Variants in CELSR2 observed in about 807,000 individuals in gnomAD.
The protein encoded by CELSR2 is cadherin EGF LAG seven-pass G-type receptor 2.
CELSR2 carries 81 observed loss-of-function variants against 251.6 expected under a neutral mutation model. That is an observed-to-expected ratio of 0.32 (90% confidence interval 0.27 to 0.39). The LOEUF (loss-of-function observed/expected upper bound fraction) is 0.39. Among genes scored for constraint, CELSR2 ranks in the 10% least tolerant of loss-of-function variants. The probability of loss-of-function intolerance (pLI) is 1.00; values close to 1 mark genes in which losing one functional copy is unlikely to be tolerated. For missense variants in CELSR2, 3,365 were observed against 3,947.7 expected (o/e 0.85, Z 3.96); for synonymous variants, 1,721 against 1,670.5 (o/e 1.03, Z -0.74).
intron 14 of CELSR2, 38 bp from the exon 15 acceptor site, chr1:109,266,067 A>T: frequency 6.2e-7 from 1 of 1,608,740 alleles, no homozygotes; most frequent in Non-Finnish European, 8.5e-7. Context: ...CAGCAGAGGG[A>T]GAGCTGCTCC....
rs1415574082 is a variant in CELSR2 at position 109,251,105 on chromosome 1, C to T, written c.1026C>T (p.Ile342=). The T allele has an allele frequency of 3.7e-6, 6 of 1,612,980 alleles. No homozygotes were observed. The highest frequency in any genetic ancestry group is 1.1e-5 in the South Asian group (1 of 91,018). ...GCAGCCCCTCTGAAGTCTTTGAGAT[C>T]GACCCTCGCTCTGGGGTGATCCGAA... ...SGGSPSEVFE[I]DPRSGVIRTR... Residue 342 remains isoleucine, a synonymous_variant, in exon 1 of 34, where the codon ATC becomes ATT. Transcript: ENST00000271332. This position sits in a 1 kb window ranked among gnomAD's most constrained non-coding sequence, Gnocchi z 4.9.
chr1:109,272,652 A>C lies in CELSR2; in HGVS notation c.8067A>C (p.Ala2689=), dbSNP rs769988212. 5.0e-6 allele frequency: 8 copies of C among 1,613,322 alleles called. No homozygotes were observed. In the Admixed American group the frequency reaches 1.3e-4, roughly 27 times the overall value. ...CTCATCTTCCTAGGGAGGAGTCCGC[A>C]CTGAACCCTGGCCAAGGGCCCCCTG... ...YIPFLLREES[A]LNPGQGPPGL... Residue 2689 remains alanine, a synonymous_variant, in exon 30 of 34, where the codon GCA becomes GCC. Coordinates refer to ENST00000271332, the MANE Select transcript of CELSR2 (RefSeq NM_001408.3).
chr1:109,264,352 G>C lies in CELSR2; in HGVS notation c.5276G>C (p.Arg1759Pro). The change falls in exon 10 of 34, where the codon CGG becomes CCG. Residue 1759 changes from arginine (R) to proline (P), a missense_variant. Physicochemically the swap from Arg to Pro is moderately radical, Grantham distance 103. Coordinates refer to ENST00000271332, the MANE Select transcript of CELSR2 (RefSeq NM_001408.3). The part of the protein sequence containing the change: ...GPAGGVARGF[R>P]GCLQGVRVSD... ...GCCGGCGGTGTGGCCCGTGGCTTTCGGGGCTGTTTGCAGGTGAGTGTCCTG... is the reference window on the plus strand; with the variant it reads ...GCCGGCGGTGTGGCCCGTGGCTTTCCGGGCTGTTTGCAGGTGAGTGTCCTG... 1 of 1,607,914 alleles carries C rather than the reference G, an allele frequency of 6.2e-7. No homozygotes were observed. The highest frequency in any genetic ancestry group is 8.5e-7 in the Non-Finnish European group (1 of 1,175,506).
chr1:109,266,306 T>C (rs1310750368), intron 15 of CELSR2, 100 bp downstream of exon 15: 1 of 1,409,444 alleles, frequency 7.1e-7, no homozygotes, highest in Non-Finnish European at 9.6e-7. Flanking sequence ...GGACCCCACT[T>C]TCTGGCCTCC....
intron 23 of CELSR2, 93 bp downstream of exon 23, chr1:109,270,226 C>T (rs910748584): frequency 7.1e-7 from 1 of 1,403,760 alleles, no homozygotes; most frequent in East Asian, 2.3e-5. Flanking sequence ...ACCATGAACT[C>T]TAATAAGGTG....
rs575606851 is a variant in CELSR2, at chr1:109,258,916, C to T, written c.3795C>T (p.Pro1265=). Residue 1265 remains proline, a synonymous_variant, in exon 2 of 34, where the codon CCC becomes CCT. Transcript: ENST00000271332. ...CCTCCTCCTCCGTGCTCTTCCGGCC[C>T]ATCCACCCCGTCGGAGGGCTGCGCT... ...FIASSSVLFR[P]IHPVGGLRCR... The T allele has an allele frequency of 8.7e-6, 14 of 1,612,430 alleles. No individual in the cohort carries two copies. In the South Asian group the frequency reaches 1.2e-4, roughly 14 times the overall value.
chr1:109,274,156 CGCA>C lies in CELSR2; in HGVS notation c.*113_*115del. 1.2e-6 allele frequency: 2 copies of C among 1,602,062 alleles called. No homozygotes were observed. Among genetic ancestry groups the C allele is most frequent in the Admixed American group, 3.3e-5 (2 of 59,800 alleles). On this transcript the variant is annotated 3_prime_UTR_variant, in exon 34 of 34. Coordinates refer to ENST00000271332, the MANE Select transcript of CELSR2 (RefSeq NM_001408.3). ...CCTGCCCCGCTCCCCATCGCCTGCC[CGCA>C]GCAGCGACGAAACGTCCATCTGAGG... is the stretch of plus-strand genomic sequence containing the variant.
chr1:109,261,304 G>A lies in CELSR2; in HGVS notation c.4181+40G>A, dbSNP rs1051105824. 2 of 1,574,016 alleles carry A rather than the reference G, an allele frequency of 1.3e-6. No individual in the cohort carries two copies. Among genetic ancestry groups the A allele is most frequent in the African/African-American group, 1.3e-5 (1 of 74,252 alleles). ...ACTGGGGGTGGGGAGTGGGCCTGGT[G>A]GGCATCTGAGGTGCCTCCTGTTCTG... On this transcript the variant is annotated intron_variant, in intron 3 of 33. Coordinates refer to ENST00000271332, the MANE Select transcript of CELSR2 (RefSeq NM_001408.3). The surrounding 1 kb of genome is among the most constrained non-coding windows in gnomAD (Gnocchi z 4.8).
In CELSR2 at chr1:109,261,476, A is replaced by G; in HGVS notation, c.4182-37A>G. The G allele has an allele frequency of 1.3e-6, 2 of 1,581,118 alleles. No individual in the cohort carries two copies. The highest frequency in any genetic ancestry group is 1.7e-4 in the Middle Eastern group (1 of 6,002). ...CGGGGGTGCTGGCATCCAGGTGGGT[A>G]CCCCATTCCCTGCCCCCATCCCCAA... On this transcript the variant is annotated intron_variant, in intron 3 of 33. Transcript: ENST00000271332. This position sits in a 1 kb window ranked among gnomAD's most constrained non-coding sequence, Gnocchi z 4.8.
chr1:109,258,626 G>C lies in CELSR2; in HGVS notation c.3505G>C (p.Val1169Leu), dbSNP rs766309271. ...TPPDHVVVFN[V>L]QRDTDAPGGH... ...ACCGGACCACGTGGTGGTCTTCAAC[G>C]TACAGCGGGACACCGACGCCCCCGG... is the stretch of plus-strand genomic sequence containing the variant. The change falls in exon 2 of 34, where the codon GTA becomes CTA. Residue 1169 changes from valine (V) to leucine (L), a missense_variant. Val to Leu is a conservative substitution (Grantham distance 32, BLOSUM62 1). Around this residue, in one of 5 missense-constraint regions of CELSR2, gnomAD observed 2,093 missense variants for 2,382.8 expected, o/e 0.88. Coordinates refer to ENST00000271332, the MANE Select transcript of CELSR2 (RefSeq NM_001408.3). 3 of 1,567,620 alleles carry C rather than the reference G, an allele frequency of 1.9e-6. No homozygotes were observed. The highest frequency in any genetic ancestry group is 1.9e-5 in the Admixed American group (1 of 53,044).
In CELSR2 at chr1:109,263,618, C is replaced by T; in HGVS notation, c.4842C>T (p.Ala1614=). 3 of 1,613,728 alleles carry T rather than the reference C, an allele frequency of 1.9e-6. No homozygotes were observed. Among genetic ancestry groups the T allele is most frequent in the Non-Finnish European group, 2.5e-6 (3 of 1,179,790 alleles). Residue 1614 remains alanine, a synonymous_variant, in exon 9 of 34, where the codon GCC becomes GCT. Transcript: ENST00000271332. ...CTTTTCCTGCCTCCCCAGAAATGGC[C>T]AATCCACAGCACTTCCTGGGCAGCA... The part of the protein sequence containing the change: ...FGGKSCAQEM[A]NPQHFLGSSL...
In CELSR2 at chr1:109,275,540, T is replaced by C. The variant is rs2101291117; in HGVS notation, c.*1491T>C. The C allele has an allele frequency of 6.6e-6, 1 of 152,210 alleles. No individual in the cohort carries two copies. The highest frequency in any genetic ancestry group is 2.1e-4 in the South Asian group (1 of 4,830). The allele number at this position is 152,210 out of a possible 1,614,324, so 9.4% of individuals were successfully genotyped here. Reference sequence around the variant, plus strand: ...TTTCTGCCGTGGATTCTCCCCCGTCTTCTCCCCTCAGCAATTCCTGCAAAG... The same window carrying C: ...TTTCTGCCGTGGATTCTCCCCCGTCCTCTCCCCTCAGCAATTCCTGCAAAG... On this transcript the variant is annotated 3_prime_UTR_variant, in exon 34 of 34. Coordinates refer to ENST00000271332, the MANE Select transcript of CELSR2 (RefSeq NM_001408.3).
chr1:109,269,082 A>G lies in CELSR2; in HGVS notation c.6632-28A>G, dbSNP rs772669298. 6.3e-7 allele frequency: 1 copy of G among 1,597,580 alleles called. No individual in the cohort carries two copies. Among genetic ancestry groups the G allele is most frequent in the Non-Finnish European group, 8.5e-7 (1 of 1,169,898 alleles). On this transcript the variant is annotated intron_variant, in intron 19 of 33. Transcript: ENST00000271332. This position sits in a 1 kb window ranked among gnomAD's most constrained non-coding sequence, Gnocchi z 6.4. ...GCAGACTCCACAGAGAGCAGGGCCC[A>G]GCTAAGTGTGACAGTGTCCCCTCCC...
In CELSR2 at chr1:109,261,197, T is replaced by C; in HGVS notation, c.4114T>C (p.Phe1372Leu). ...KPYCQVTTRS[F>L]PAHSFITFRG... is the part of the protein sequence containing the mutation. Reference sequence around the variant, plus strand: ...CTACTGCCAGGTGACCACGCGCAGCTTCCCCGCCCACTCCTTCATCACCTT... The same window carrying C: ...CTACTGCCAGGTGACCACGCGCAGCCTCCCCGCCCACTCCTTCATCACCTT... The change falls in exon 3 of 34, where the codon TTC (phenylalanine) becomes CTC (leucine). Residue 1372 changes from phenylalanine to leucine, a missense_variant. Transcript: ENST00000271332. This position sits in a 1 kb window ranked among gnomAD's most constrained non-coding sequence, Gnocchi z 4.8. 1 of 1,614,100 alleles carries C rather than the reference T, an allele frequency of 6.2e-7. No individual in the cohort carries two copies. The highest frequency in any genetic ancestry group is 1.1e-5 in the South Asian group (1 of 91,084).
chr1:109,258,901 C>G lies in CELSR2; in HGVS notation c.3780C>G (p.Ser1260=), dbSNP rs764679151. Residue 1260 remains serine, a synonymous_variant, in exon 2 of 34, where the codon TCC becomes TCG. Transcript: ENST00000271332. ...DSSAPFIASS[S]VLFRPIHPVG... is the part of the protein sequence containing the mutation. Reference sequence around the variant, plus strand: ...CCGCGCCCTTCATCGCCTCCTCCTCCGTGCTCTTCCGGCCCATCCACCCCG... The same window carrying G: ...CCGCGCCCTTCATCGCCTCCTCCTCGGTGCTCTTCCGGCCCATCCACCCCG... 6 of 1,612,436 alleles carry G rather than the reference C, an allele frequency of 3.7e-6. No individual in the cohort carries two copies. The highest frequency in any genetic ancestry group is 1.6e-4 in the Middle Eastern group (1 of 6,062).
Position 109,250,526 on chromosome 1 carries a change from G to A in CELSR2, c.447G>A (p.Lys149=). The change falls in exon 1 of 34, where the codon AAG becomes AAA. Residue 149 remains lysine, a synonymous_variant. Coordinates refer to ENST00000271332, the MANE Select transcript of CELSR2 (RefSeq NM_001408.3). This position sits in a 1 kb window ranked among gnomAD's most constrained non-coding sequence, Gnocchi z 4.4. ...CACGGCTCAGATGCCAGTCCTGCAA[G>A]CTGGCACAGGCCCCCGGGCTCAGGG... ...KAPRLRCQSC[K]LAQAPGLRAG... 1 of 1,613,916 alleles carries A rather than the reference G, an allele frequency of 6.2e-7. No homozygotes were observed. The highest frequency in any genetic ancestry group is 8.5e-7 in the Non-Finnish European group (1 of 1,180,026).
chr1:109,272,289 C>A lies in CELSR2; in HGVS notation c.7938C>A (p.Cys2646Ter). Residue 2646 changes from cysteine (C) to a stop codon, truncating the protein, a stop_gained, in exon 29 of 34, where the codon TGC (cysteine) becomes TGA (stop). Coordinates refer to ENST00000271332, the MANE Select transcript of CELSR2 (RefSeq NM_001408.3). LOFTEE classifies it high-confidence loss of function. ...TGTTCCCTGCCTAGTCCTACAACTG[C>A]CCCAGCCCCTACGCAGATGGGCGGC... ...TKSTLTSSYN[C>*]PSPYADGRLY... 1 of 1,602,198 alleles carries A rather than the reference C, an allele frequency of 6.2e-7. No individual in the cohort carries two copies. Among genetic ancestry groups the A allele is most frequent in the Admixed American group, 1.7e-5 (1 of 59,290 alleles).
Position 109,250,740 on chromosome 1 carries a change from G to A in CELSR2, c.661G>A (p.Asp221Asn). 4 of 1,614,138 alleles carry A rather than the reference G, an allele frequency of 2.5e-6. No homozygotes were observed. Among genetic ancestry groups the A allele is most frequent in the Non-Finnish European group, 3.4e-6 (4 of 1,180,032 alleles). The change falls in exon 1 of 34, where the codon GAT (aspartate) becomes AAT (asparagine). Residue 221 changes from aspartate (D) to asparagine (N), a missense_variant. Asp to Asn is a conservative substitution (Grantham distance 23). Transcript: ENST00000271332. This position sits in a 1 kb window ranked among gnomAD's most constrained non-coding sequence, Gnocchi z 4.4. ...GGCAGGTCGACTGGAGTACACCATG[G>A]ATGCCCTCTTTGATAGCCGCTCCAA... The part of the protein sequence containing the change: ...GEAGRLEYTM[D>N]ALFDSRSNQF...
Position 109,250,824 on chromosome 1 carries a change from C to T in CELSR2, c.745C>T (p.Arg249Cys), listed in dbSNP as rs767957734. ...AGTAACCACAGCCGAGGAGCTGGAT[C>T]GTGAGACCAAGAGCACCCACGTCTT... ...GAVTTAEELDRETKSTHVFRV... is the reference protein window; with the variant it reads ...GAVTTAEELDCETKSTHVFRV... The change falls in exon 1 of 34, where the codon CGT becomes TGT. Residue 249 changes from arginine to cysteine, a missense_variant. This residue lies in a region of CELSR2 where 704 missense variants were observed against 784.1 expected (regional missense o/e 0.90). Coordinates refer to ENST00000271332, the MANE Select transcript of CELSR2 (RefSeq NM_001408.3). The surrounding 1 kb of genome is among the most constrained non-coding windows in gnomAD (Gnocchi z 4.4). The T allele has an allele frequency of 3.7e-6, 6 of 1,613,926 alleles. No individual in the cohort carries two copies. The highest frequency in any genetic ancestry group is 2.7e-5 in the African/African-American group (2 of 74,940).
Sources: allele counts gnomAD v4.1 joint callset, GRCh38; gene constraint gnomAD v4.1.1; regional missense constraint gnomAD v4.1.1; non-coding constraint Gnocchi (gnomAD v3.1); transcripts MANE v1.5; gene names NCBI Gene and HGNC (gene_info 2026-07-23, HGNC 2026-07-21).